LMO7: variants seen among roughly 807,000 people sequenced by gnomAD.
LMO7 encodes LIM domain 7, also known as LIM domain only protein 7.
LMO7 carries 120 observed loss-of-function variants against 206.5 expected under a neutral mutation model. The observed-to-expected ratio is 0.58, with a 90% CI of 0.50 to 0.68. The LOEUF is 0.68. Ranked by LOEUF, LMO7 falls within the 30% of genes least tolerant of loss-of-function variation. LMO7 has a pLI of 0.00. For synonymous variants in LMO7, 706 were observed against 681.5 expected (o/e 1.04, Z -0.56); for missense variants, 1,959 against 1,957.9 (o/e 1.00, Z -0.01).
chr13:75,817,163 G>A lies in LMO7; in HGVS notation c.1949G>A (p.Ser650Asn). The A allele has an allele frequency of 6.2e-7, 1 of 1,609,548 alleles. No individual in the cohort carries two copies. Among genetic ancestry groups the A allele is most frequent in the Non-Finnish European group, 8.5e-7 (1 of 1,176,340 alleles). ...LFQKIYGENG[S>N]KSMSDVSAED... ...AACCATGAGTCTTTTTGTTGTAGGA[G>A]TAAGTCCATGAGTGATGTCAGCGCA... The change falls in exon 12 of 31, where the codon AGT (serine) becomes AAT (asparagine). Residue 650 changes from serine to asparagine, a missense_variant and splice_region_variant. Ser to Asn is a conservative substitution (Grantham distance 46, BLOSUM62 1). Transcript: ENST00000377534.
At chr13:75,763,294 C>G (rs145275798) in intron 4 of LMO7, among the ~76,000 whole-genome samples, 269 of 152,226 alleles carry the variant, frequency 1.8e-3, no homozygotes, top group African/African-American at 6.3e-3. Flanking sequence ...AATTTTCCTA[C>G]TCCAAATATT....
At chr13:75,732,784 T>C (rs997774450) in intron 3 of LMO7, among the ~76,000 whole-genome samples, 1 of 152,204 alleles carries the variant, frequency 6.6e-6, no homozygotes, top group African/African-American at 2.4e-5. Flanking sequence ...ATGATGGTGA[T>C]GTACAGATGG....
At chr13:75,840,024 T>A (rs1566590258) in intron 20 of LMO7, 61 bp from the exon 21 acceptor site, 1 of 1,510,070 alleles carries the variant, frequency 6.6e-7, no homozygotes, top group Non-Finnish European at 9.2e-7. Flanking sequence ...AAGGAATTAT[T>A]TCATAGAAAT....
intron 1 of LMO7, among the ~76,000 whole-genome samples, chr13:75,675,196 C>A (rs1232935858): frequency 6.6e-6 from 1 of 151,788 alleles, no homozygotes; most frequent in Non-Finnish European, 1.5e-5. Context: ...TCTACCTCAG[C>A]CTCCCGAGTA....
At chr13:75,633,851 T>C (rs887422211), upstream of LMO7, among the ~76,000 whole-genome samples, 9 of 142,364 alleles carry the variant, frequency 6.3e-5, no homozygotes, top group East Asian at 1.6e-3. Context: ...CTTTTTTTTT[T>C]TTTTTTTTTT....
At chr13:75,636,915 C>G (rs1184803270) in intron 1 of LMO7, among the ~76,000 whole-genome samples, 189 bp downstream of exon 1, 1 of 152,224 alleles carries the variant, frequency 6.6e-6, no homozygotes, top group Non-Finnish European at 1.5e-5. Context: ...TCTTATGTCC[C>G]GCTTAGATTG....
At chr13:75,696,141 G>A (rs545948788) in intron 1 of LMO7, among the ~76,000 whole-genome samples, 99 of 152,318 alleles carry the variant, frequency 6.5e-4, no homozygotes, top group African/African-American at 2.2e-3. Context: ...TGGATCACGA[G>A]GTCAGGAGAT....
chr13:75,827,948 A>G (rs1237417483), intron 15 of LMO7, among the ~76,000 whole-genome samples: 2 of 152,162 alleles, frequency 1.3e-5, no homozygotes, highest in African/African-American at 4.8e-5. Context: ...CATACTGTGC[A>G]TTTTGCTTGC....
chr13:75,844,804 A>C (rs1378071065), intron 25 of LMO7, among the ~76,000 whole-genome samples: 1 of 152,170 alleles, frequency 6.6e-6, no homozygotes, highest in Non-Finnish European at 1.5e-5. Flanking sequence ...GTACAAACTT[A>C]AGGCGTTTCC....
In LMO7 at chr13:75,805,544, C is replaced by T. The variant is rs948549633; in HGVS notation, c.980C>T (p.Ser327Phe). Residue 327 changes from serine to phenylalanine, a missense_variant, in exon 9 of 31, where the codon TCC becomes TTC. Physicochemically the swap from Ser to Phe is radical, Grantham distance 155 (BLOSUM62 -2). Transcript: ENST00000377534. ...NWPTVQGTSK[S>F]SCYLEEEKAK... is the part of the protein sequence containing the mutation. The stretch of plus-strand genomic sequence containing the variant: ...CCAACTGTACAAGGAACTTCAAAGT[C>T]CTCTTGTTATTTGGAAGAGGAAAAA... The T allele has an allele frequency of 6.8e-6, 11 of 1,613,974 alleles. No homozygotes were observed. Among genetic ancestry groups the T allele is most frequent in the Non-Finnish European group, 8.5e-6 (10 of 1,179,844 alleles).
intron 2 of LMO7, chr13:75,628,104 A>C (rs985129882): frequency 6.6e-6 from 1 of 152,236 alleles, no homozygotes; most frequent in Non-Finnish European, 1.5e-5. Flanking sequence ...GTCTGTGTAC[A>C]TGAGACAAAG....
rs1207132205 is a variant in LMO7 at position 75,840,505 on chromosome 13, G to A, written c.3582+10G>A. 3 of 1,613,134 alleles carry A rather than the reference G, an allele frequency of 1.9e-6. No individual in the cohort carries two copies. Among genetic ancestry groups the A allele is most frequent in the Non-Finnish European group, 2.5e-6 (3 of 1,179,650 alleles). ...GGACCGCCTACTGCAGGTAGCTCTG[G>A]CTCACGTGGACGGGTAGAAACTAGG... On this transcript the variant is annotated intron_variant, in intron 22 of 30. Coordinates refer to ENST00000377534, the MANE Select transcript of LMO7 (RefSeq NM_001306080.2).
chr13:75,762,796 A>T (rs1456914223), intron 4 of LMO7, among the ~76,000 whole-genome samples: 1 of 152,132 alleles, frequency 6.6e-6, no homozygotes, highest in Non-Finnish European at 1.5e-5. Context: ...CCTTGACTTC[A>T]CTTAAGAACA....
In LMO7 at chr13:75,668,677, T is replaced by A. The variant is rs191826475; in HGVS notation, c.69+31951T>A. 5.3e-5 allele frequency among the ~76,000 whole-genome samples: 8 copies of A among 152,306 alleles called. No individual in the cohort carries two copies. In the East Asian group the frequency reaches 1.5e-3, roughly 29 times the overall value. ...CCTCAGAAATTTTTTTTTTATACATTAGTCCCAAGTTTGTAGTTTTTATCT... is the reference window on the plus strand; with the variant it reads ...CCTCAGAAATTTTTTTTTTATACATAAGTCCCAAGTTTGTAGTTTTTATCT... On this transcript the variant is annotated intron_variant, in intron 1 of 30. Coordinates refer to ENST00000377534, the MANE Select transcript of LMO7 (RefSeq NM_001306080.2).
At chr13:75,748,300 C>A (rs927488645) in intron 3 of LMO7, among the ~76,000 whole-genome samples, 4 of 152,134 alleles carry the variant, frequency 2.6e-5, no homozygotes, top group African/African-American at 4.8e-5. Flanking sequence ...TAATAGGAGA[C>A]TAATACAGAG....
rs2058818312 is a variant in LMO7 at position 75,833,144 on chromosome 13, T to C, written c.3043T>C (p.Phe1015Leu). 1 of 1,594,598 alleles carries C rather than the reference T, an allele frequency of 6.3e-7. No individual in the cohort carries two copies. Among genetic ancestry groups the C allele is most frequent in the Admixed American group, 1.7e-5 (1 of 59,944 alleles). Residue 1015 changes from phenylalanine (F) to leucine (L), a missense_variant, in exon 16 of 31, where the codon TTC becomes CTC. Coordinates refer to ENST00000377534, the MANE Select transcript of LMO7 (RefSeq NM_001306080.2). ...AATAAAATGGGATATTCCTGGGATC[T>C]TCGTAGCATCAGTTGAAGCAGGTAA... Reference protein sequence around the residue: ...FTIKWDIPGIFVASVEAGSPA... With the variant: ...FTIKWDIPGILVASVEAGSPA...
intron 4 of LMO7, among the ~76,000 whole-genome samples, chr13:75,778,099 T>C (rs1471530883): frequency 6.6e-6 from 1 of 152,244 alleles, no homozygotes; most frequent in African/African-American, 2.4e-5. Flanking sequence ...AGGTAACTTA[T>C]TTTAACCTTC....
chr13:75,837,039 A>G (rs370530194), intron 19 of LMO7, among the ~76,000 whole-genome samples: 1 of 152,212 alleles, frequency 6.6e-6, no homozygotes, highest in Non-Finnish European at 1.5e-5. Context: ...ATAAGAATAG[A>G]TCCGGTCATG....
Position 75,807,803 on chromosome 13 carries a change from T to C in LMO7, c.1520T>C (p.Leu507Pro), listed in dbSNP as rs763536299. The C allele has an allele frequency of 2.5e-6, 4 of 1,613,710 alleles. No homozygotes were observed. Among genetic ancestry groups the C allele is most frequent in the Non-Finnish European group, 1.7e-6 (2 of 1,179,852 alleles). The change falls in exon 10 of 31, where the codon CTT becomes CCT. Residue 507 changes from leucine to proline, a missense_variant. Coordinates refer to ENST00000377534, the MANE Select transcript of LMO7 (RefSeq NM_001306080.2). ...DIILQCREGELVLPDLEKDDM... is the reference protein window; with the variant it reads ...DIILQCREGEPVLPDLEKDDM... ...ATTTTACAGTGTAGAGAAGGTGAAC[T>C]TGTACTTCCGGATTTGGAAAAAGAT...
Sources: allele counts gnomAD v4.1 joint callset (sites outside exome capture counted in the v4.1 genomes callset), GRCh38; gene constraint gnomAD v4.1.1; transcripts MANE v1.5; gene names NCBI Gene and HGNC (gene_info 2026-07-23, HGNC 2026-07-21).